ATP8A2: variants seen among roughly 807,000 people sequenced by gnomAD.
ATP8A2 encodes ATPase phospholipid transporting 8A2.
ATP8A2 carries 100 observed loss-of-function variants against 165.6 expected under a neutral mutation model. The ratio of observed to expected loss-of-function variants is 0.60; its 90% CI spans 0.51 to 0.71. The LOEUF is 0.71. ATP8A2 is among the 30% of genes least tolerant of loss of function. ATP8A2 has a pLI of 0.00. For missense variants in ATP8A2, 1,227 were observed against 1,479.5 expected (o/e 0.83, Z 2.80); for synonymous variants, 543 against 548.8 (o/e 0.99, Z 0.15).
chr13:25,674,336 G>A (rs1478617332), intron 24 of ATP8A2, among the ~76,000 whole-genome samples: 1 of 151,812 alleles, frequency 6.6e-6, no homozygotes, highest in Non-Finnish European at 1.5e-5. Context: ...TTTCAACCAT[G>A]TATGAAAGTG....
intron 1 of ATP8A2, among the ~76,000 whole-genome samples, chr13:25,386,636 A>T (rs2033055296): frequency 6.6e-6 from 1 of 152,068 alleles, no homozygotes; most frequent in Non-Finnish European, 1.5e-5. Flanking sequence ...CCTACAGAAC[A>T]CATCTTCTGG....
intron 33 of ATP8A2, among the ~76,000 whole-genome samples, chr13:25,951,303 A>T (rs1955351621): frequency 6.6e-6 from 1 of 152,266 alleles, no homozygotes; most frequent in Non-Finnish European, 1.5e-5. Flanking sequence ...TACGATTCCA[A>T]AACTAAAAAG....
At chr13:25,651,376 G>A (rs1262936850) in intron 24 of ATP8A2, among the ~76,000 whole-genome samples, 4 of 151,974 alleles carry the variant, frequency 2.6e-5, no homozygotes, top group Admixed American at 6.6e-5. Flanking sequence ...TCGGGAGGCA[G>A]AGATTGCAGT....
In ATP8A2 at chr13:25,935,775, G is replaced by A. The variant is rs9581483; in HGVS notation, c.3184-25800G>A. ...CCTCCCATGAGACCCCACCTTCAAC[G>A]TGGGGGATCACATCTCAACATGAGA... On this transcript the variant is annotated intron_variant, in intron 33 of 36. Transcript: ENST00000381655. Among the ~76,000 whole-genome samples, 1,320 of 152,232 alleles carry A rather than the reference G, an allele frequency of 8.7e-3. 14 individuals carry two copies. Among genetic ancestry groups the A allele is most frequent in the African/African-American group, 0.027 (1,137 of 41,534 alleles).
intron 2 of ATP8A2, 53 bp downstream of exon 2, chr13:25,469,174 G>T: frequency 6.3e-7 from 1 of 1,595,802 alleles, no homozygotes. Flanking sequence ...CAGCTGGGAA[G>T]GGGCTCGTCC....
intron 33 of ATP8A2, among the ~76,000 whole-genome samples, chr13:25,877,712 A>G (rs1952854802): frequency 6.6e-6 from 1 of 152,190 alleles, no homozygotes; most frequent in African/African-American, 2.4e-5. Flanking sequence ...TGTTTAGTTT[A>G]TCTTTCCCAA....
At chr13:25,799,579 C>T (rs760437295) in intron 27 of ATP8A2, among the ~76,000 whole-genome samples, 2 of 152,190 alleles carry the variant, frequency 1.3e-5, no homozygotes, top group Non-Finnish European at 2.9e-5. Context: ...AATAATTTCA[C>T]ACAAGTCTTC....
At chr13:25,901,983 AG>A (rs1407527119) in intron 33 of ATP8A2, among the ~76,000 whole-genome samples, 1 of 152,256 alleles carries the variant, frequency 6.6e-6, no homozygotes, top group Non-Finnish European at 1.5e-5. Context: ...GCTTAAGTAA[AG>A]ATAATACACA....
chr13:25,849,812 C>A (rs1951962491), intron 30 of ATP8A2, among the ~76,000 whole-genome samples: 1 of 152,214 alleles, frequency 6.6e-6, no homozygotes, highest in South Asian at 2.1e-4. Context: ...CCTGGAGCCA[C>A]ACATAACACT....
At chr13:25,979,712 A>C (rs949967029) in intron 35 of ATP8A2, among the ~76,000 whole-genome samples, 2 of 152,192 alleles carry the variant, frequency 1.3e-5, no homozygotes, top group Non-Finnish European at 2.9e-5. Context: ...CTAGAATGAG[A>C]GAGGGAATTC....
intron 18 of ATP8A2, among the ~76,000 whole-genome samples, 177 bp from the exon 19 acceptor site, chr13:25,574,631 C>G (rs1450378876): frequency 6.6e-6 from 1 of 152,158 alleles, no homozygotes; most frequent in Non-Finnish European, 1.5e-5. Flanking sequence ...GAAGCTTCCA[C>G]CAGAAGAGGG....
chr13:25,834,356 G>T (rs964187111), intron 28 of ATP8A2, among the ~76,000 whole-genome samples: 1 of 152,132 alleles, frequency 6.6e-6, no homozygotes, highest in South Asian at 2.1e-4. Flanking sequence ...GCAGAATCTA[G>T]TAAAATTAAA....
intron 1 of ATP8A2, among the ~76,000 whole-genome samples, chr13:25,463,364 C>T (rs1003712495): frequency 5.3e-5 from 8 of 151,704 alleles, no homozygotes; most frequent in Non-Finnish European, 8.8e-5. Flanking sequence ...ACTCCCTGAC[C>T]TATTTAGTTT....
chr13:25,642,568 GT>G (rs2041556776), intron 24 of ATP8A2, among the ~76,000 whole-genome samples: 1 of 152,208 alleles, frequency 6.6e-6, no homozygotes, highest in Non-Finnish European at 1.5e-5. Flanking sequence ...AGTTAGAATG[GT>G]GATCGTTAAA....
intron 27 of ATP8A2, among the ~76,000 whole-genome samples, chr13:25,822,805 A>G (rs551746743): frequency 1.3e-5 from 2 of 152,320 alleles, no homozygotes; most frequent in Middle Eastern, 3.4e-3. Context: ...GTCATGTTTC[A>G]CATAGAGCAA....
chr13:25,498,046 C>T (rs2036734834), intron 2 of ATP8A2, among the ~76,000 whole-genome samples: 1 of 152,122 alleles, frequency 6.6e-6, no homozygotes, highest in African/African-American at 2.4e-5. Flanking sequence ...TCACCTGATC[C>T]ATATGCTGTA....
intron 1 of ATP8A2, among the ~76,000 whole-genome samples, chr13:25,388,677 C>A (rs2033142757): frequency 6.6e-6 from 1 of 152,176 alleles, no homozygotes; most frequent in Non-Finnish European, 1.5e-5. Flanking sequence ...TGGCACCGGG[C>A]TGTCTGCTTG....
chr13:25,923,287 A>G (rs531346911), intron 33 of ATP8A2, among the ~76,000 whole-genome samples: 1 of 152,176 alleles, frequency 6.6e-6, no homozygotes, highest in Non-Finnish European at 1.5e-5. Flanking sequence ...GTATTTTATT[A>G]AAGTCTTTTA....
intron 27 of ATP8A2, among the ~76,000 whole-genome samples, chr13:25,797,872 G>A (rs1950529230): frequency 6.6e-6 from 1 of 152,038 alleles, no homozygotes; most frequent in Non-Finnish European, 1.5e-5. Context: ...TAACTGAAGG[G>A]AGAAATTGTA....
Sources: gnomAD v4.1 joint callset for allele counts (sites outside exome capture counted in the v4.1 genomes callset) on GRCh38, gnomAD v4.1.1 for gene constraint, MANE v1.5 for transcripts, NCBI Gene and HGNC (gene_info 2026-07-23, HGNC 2026-07-21) for gene names.